The following ASTN2 variants were observed in gnomAD, a reference collection of about 807,000 sequenced individuals.
The protein encoded by ASTN2 is astrotactin 2.
ASTN2 carries 54 observed loss-of-function variants against 139.8 expected under a neutral mutation model. That is an observed-to-expected ratio of 0.39 (90% CI 0.31 to 0.48). The LOEUF (loss-of-function observed/expected upper bound fraction) is 0.48, where lower values mean the gene tolerates loss of function less well. Ranked by LOEUF, ASTN2 falls within the 20% of genes least tolerant of loss-of-function variation. ASTN2 has a pLI of 0.95. For missense variants in ASTN2, 1,565 were observed against 1,725.1 expected, an observed-to-expected ratio of 0.91 and a Z score of 1.64; for synonymous variants, 756 against 719.5, an observed-to-expected ratio of 1.05 and a Z score of -0.81.
intron 12 of ASTN2, among the ~76,000 whole-genome samples, chr9:116,820,098 T>G (rs975542746): frequency 1.2e-4 from 18 of 152,210 alleles, no homozygotes; most frequent in Non-Finnish European, 2.5e-4. Flanking sequence ...TTGTTTCCTT[T>G]AGCCCTCCCC....
intron 2 of ASTN2, among the ~76,000 whole-genome samples, chr9:117,233,149 G>C (rs150350965): frequency 6.6e-6 from 1 of 152,172 alleles, no homozygotes. Flanking sequence ...GAGGGGCAGA[G>C]AGCAGGCTGA....
intron 11 of ASTN2, among the ~76,000 whole-genome samples, chr9:116,842,683 T>C (rs1270454339): frequency 7.3e-6 from 1 of 136,610 alleles, no homozygotes; most frequent in African/African-American, 2.7e-5. Context: ...CCAATTCAGC[T>C]GCCGCTCAAT....
intron 13 of ASTN2, among the ~76,000 whole-genome samples, chr9:116,789,985 G>A (rs1830488586): frequency 6.8e-6 from 1 of 146,532 alleles, no homozygotes; most frequent in Non-Finnish European, 1.5e-5. Flanking sequence ...GAGTGCAGTG[G>A]CGTGGTCTTG....
chr9:116,897,098 G>T (rs1358328117), intron 10 of ASTN2, among the ~76,000 whole-genome samples: 1 of 152,178 alleles, frequency 6.6e-6, no homozygotes, highest in Non-Finnish European at 1.5e-5. Context: ...TGTGCCTAAG[G>T]CCATCATCAC....
chr9:117,001,202 T>C (rs1275462194), intron 7 of ASTN2, among the ~76,000 whole-genome samples: 3 of 152,236 alleles, frequency 2.0e-5, no homozygotes, highest in Non-Finnish European at 4.4e-5. Context: ...TAAGGAATGA[T>C]AACCAGTGCT....
chr9:117,098,701 T>G (rs189903755), intron 4 of ASTN2, among the ~76,000 whole-genome samples: 309 of 151,108 alleles, frequency 2.0e-3, no homozygotes, highest in African/African-American at 7.1e-3. Flanking sequence ...CTCATGGAGA[T>G]TTTGGAAGTG....
At chr9:116,495,967 CACAGGGCT>C (rs1849656572) in intron 19 of ASTN2, among the ~76,000 whole-genome samples, 1 of 152,114 alleles carries the variant, frequency 6.6e-6, no homozygotes, top group Non-Finnish European at 1.5e-5. Flanking sequence ...ATACTCCCAC[CACAGGGCT>C]TTTGCACCTG....
chr9:117,408,629 A>T lies in ASTN2; in HGVS notation c.442+5868T>A, dbSNP rs568656799. 2.6e-5 allele frequency among the ~76,000 whole-genome samples: 4 copies of T among 152,308 alleles called. No individual in the cohort carries two copies. In the South Asian group the frequency reaches 8.3e-4, roughly 32 times the overall value. ...CTGCTACAAATTAAAATCACAGAGTAATTTTGCAGACTGAGGTCCCAGTTC... is the reference window on the plus strand; with the variant it reads ...CTGCTACAAATTAAAATCACAGAGTTATTTTGCAGACTGAGGTCCCAGTTC... On this transcript the variant is annotated intron_variant, in intron 1 of 22. Coordinates refer to ENST00000313400, the MANE Select transcript of ASTN2 (RefSeq NM_001365068.1).
chr9:116,633,648 T>C (rs1052990219), intron 17 of ASTN2, among the ~76,000 whole-genome samples: 2 of 152,212 alleles, frequency 1.3e-5, no homozygotes, highest in African/African-American at 4.8e-5. Flanking sequence ...AAATAAAGAA[T>C]TACACAATTT....
intron 19 of ASTN2, among the ~76,000 whole-genome samples, chr9:116,578,388 T>C (rs941494858): frequency 6.6e-6 from 1 of 152,168 alleles, no homozygotes; most frequent in Admixed American, 6.5e-5. Context: ...GAATTCTCTC[T>C]CTCACTCACT....
rs548317123 is a variant in ASTN2 at position 117,131,800 on chromosome 9, C to T, written c.1168+9526G>A. On this transcript the variant is annotated intron_variant, in intron 4 of 22. Coordinates refer to ENST00000313400, the MANE Select transcript of ASTN2 (RefSeq NM_001365068.1). The stretch of plus-strand genomic sequence containing the variant: ...GAACCAATGTATACCTTACATATAT[C>T]GATTTATGTCTTTGCCTGTAACTTC... Among the ~76,000 whole-genome samples, 27 of 152,274 alleles carry T rather than the reference C, an allele frequency of 1.8e-4. No individual in the cohort carries two copies. In the South Asian group the frequency reaches 1.9e-3, roughly 11 times the overall value.
chr9:117,083,416 T>C (rs1320812662), intron 5 of ASTN2, among the ~76,000 whole-genome samples: 1 of 152,170 alleles, frequency 6.6e-6, no homozygotes, highest in African/African-American at 2.4e-5. Context: ...GGCCTGGGAA[T>C]GTACATTTAC....
chr9:117,003,951 C>CACGTGT (rs1554768378), intron 7 of ASTN2, among the ~76,000 whole-genome samples: 2 of 130,940 alleles, frequency 1.5e-5, no homozygotes, highest in African/African-American at 6.5e-5. Flanking sequence ...CGCGCGCGCG[C>CACGTGT]GCGTGTGTGT....
At chr9:117,105,993 G>A (rs1029740769) in intron 4 of ASTN2, among the ~76,000 whole-genome samples, 2 of 152,178 alleles carry the variant, frequency 1.3e-5, no homozygotes, top group Non-Finnish European at 2.9e-5. Context: ...TGGCAGAGCA[G>A]AGAGGAGAAT....
chr9:116,720,479 C>T (rs913009159), intron 16 of ASTN2, among the ~76,000 whole-genome samples: 5 of 152,092 alleles, frequency 3.3e-5, no homozygotes, highest in African/African-American at 1.2e-4. Flanking sequence ...CTCTCTTTAT[C>T]TCGCCATTTC....
At chr9:116,711,993 T>C (rs1032561321) in intron 16 of ASTN2, among the ~76,000 whole-genome samples, 4 of 152,168 alleles carry the variant, frequency 2.6e-5, no homozygotes, top group African/African-American at 7.2e-5. Flanking sequence ...AATGATAATA[T>C]ACAAAACCTT....
At chr9:116,484,044 C>T (rs183682021) in intron 20 of ASTN2, among the ~76,000 whole-genome samples, 14 of 152,308 alleles carry the variant, frequency 9.2e-5, no homozygotes, top group Admixed American at 2.6e-4. Context: ...ATCCTCTCCT[C>T]TCATTCCATT....
chr9:116,839,836 GA>G (rs1832140610), intron 11 of ASTN2, among the ~76,000 whole-genome samples: 1 of 112,108 alleles, frequency 8.9e-6, no homozygotes, highest in Admixed American at 8.7e-5. Flanking sequence ...ACACCCAGCT[GA>G]TTTTTTTATT....
At chr9:116,640,828 G>C (rs1174015361) in intron 17 of ASTN2, among the ~76,000 whole-genome samples, 2 of 152,214 alleles carry the variant, frequency 1.3e-5, no homozygotes, top group Non-Finnish European at 2.9e-5. Flanking sequence ...GATTAAAAGA[G>C]GCAGGGGTTG....
Sources: allele counts gnomAD v4.1 joint callset (sites outside exome capture counted in the v4.1 genomes callset), GRCh38; gene constraint gnomAD v4.1.1; transcripts MANE v1.5; gene names NCBI Gene and HGNC (gene_info 2026-07-23, HGNC 2026-07-21).